Variants in FBXW10 observed in about 807,000 individuals in gnomAD.
FBXW10 encodes F-box/WD repeat-containing protein 10.
In FBXW10, 68 loss-of-function variants were observed where a neutral mutation model predicts 113.1. The observed-to-expected ratio is 0.60, with a 90% confidence interval of 0.49 to 0.74. FBXW10 has a LOEUF of 0.74. Ranked by LOEUF, FBXW10 falls within the 30% of genes least tolerant of loss-of-function variation. FBXW10 has a pLI of 0.00. For missense variants in FBXW10, 753 were observed against 1,284.5 expected, an observed-to-expected ratio of 0.59 and a Z score of 6.32; for synonymous variants, 289 against 481.6, an observed-to-expected ratio of 0.60 and a Z score of 5.24.
chr17:18,778,067 G>A (rs531650512), intron 13 of FBXW10, among the ~76,000 whole-genome samples: 3 of 151,778 alleles, frequency 2.0e-5, no homozygotes, highest in East Asian at 2.0e-4. Flanking sequence ...TGGCTAACAC[G>A]GTGAAACCCT....
chr17:18,756,204 A>G lies in FBXW10; in HGVS notation c.1232+50A>G, dbSNP rs760118486. 3.2e-6 allele frequency: 5 copies of G among 1,562,300 alleles called. No homozygotes were observed. The South Asian group carries it at 3.4e-5, about 11-fold the overall frequency. On this transcript the variant is annotated intron_variant, in intron 6 of 13. Coordinates refer to ENST00000395665, the MANE Select transcript of FBXW10 (RefSeq NM_001267585.2). ...GTCTCTAGGGATGCTTGAGTTACCC[A>G]CACTGACATTTGGGATTTCCCTGAC...
chr17:18,761,043 A>C (rs2035371780), intron 7 of FBXW10, among the ~76,000 whole-genome samples: 2 of 152,134 alleles, frequency 1.3e-5, no homozygotes, highest in Non-Finnish European at 2.9e-5. Flanking sequence ...CACAGCAACT[A>C]CTATATAACC....
chr17:18,758,843 G>A (rs2035324328), intron 7 of FBXW10, among the ~76,000 whole-genome samples: 1 of 150,600 alleles, frequency 6.6e-6, no homozygotes, highest in African/African-American at 2.4e-5. Flanking sequence ...ATGGGTTTGA[G>A]ACAGACTATA....
chr17:18,744,173 C>T lies in FBXW10; in HGVS notation c.-72C>T, dbSNP rs1486586976. On this transcript the variant is annotated 5_prime_UTR_variant, in exon 1 of 14. Coordinates refer to ENST00000395665, the MANE Select transcript of FBXW10 (RefSeq NM_001267585.2). ...AACTGGGGTATTTATTCATTCCCCC[C>T]GTTCCTCTAGTGTTTGGTGGCGTTG... 2.1e-5 allele frequency: 32 copies of T among 1,534,102 alleles called. No individual in the cohort carries two copies. The highest frequency in any genetic ancestry group is 2.6e-5 in the Non-Finnish European group (30 of 1,140,290).
intron 11 of FBXW10, 151 bp from the exon 12 acceptor site, chr17:18,772,261 C>A: frequency 1.4e-6 from 1 of 703,976 alleles, no homozygotes; most frequent in Non-Finnish European, 2.4e-6. Flanking sequence ...TCACCACTCT[C>A]CACCCTCCAG....
chr17:18,777,972 C>T (rs964735127), intron 13 of FBXW10, among the ~76,000 whole-genome samples: 7 of 151,682 alleles, frequency 4.6e-5, no homozygotes, highest in Middle Eastern at 3.4e-3. Context: ...TTTTATTGGC[C>T]GGCTGCGGTG....
At position 18,744,645 on chromosome 17, in the gene FBXW10, C is replaced by T. The variant is rs750314402; in HGVS notation, c.401C>T (p.Ala134Val). 1.3e-5 allele frequency: 21 copies of T among 1,613,786 alleles called. No individual in the cohort carries two copies. Among genetic ancestry groups the T allele is most frequent in the Middle Eastern group, 3.3e-4 (2 of 6,078 alleles). The change falls in exon 1 of 14, where the codon GCG becomes GTG. Residue 134 changes from alanine (A) to valine (V), a missense_variant. Physicochemically the swap from Ala to Val is moderately conservative, Grantham distance 64. Coordinates refer to ENST00000395665, the MANE Select transcript of FBXW10 (RefSeq NM_001267585.2). ...WFANSTQWTKANYTLLLLQMC... is the reference protein window; with the variant it reads ...WFANSTQWTKVNYTLLLLQMC... Reference sequence around the variant, plus strand: ...GCGAACAGCACCCAGTGGACCAAGGCGAATTATACTCTCTTACTGCTGCAG... The same window carrying T: ...GCGAACAGCACCCAGTGGACCAAGGTGAATTATACTCTCTTACTGCTGCAG...
intron 4 of FBXW10, among the ~76,000 whole-genome samples, chr17:18,750,703 G>A (rs78709540): frequency 0.063 from 9,567 of 152,016 alleles, 395 homozygotes; most frequent in South Asian, 0.12. Flanking sequence ...CAGTCTGACC[G>A]TCTTTACTGG....
At chr17:18,775,068 GATT>G in intron 12 of FBXW10, 65 bp from the exon 13 acceptor site, 7 of 1,008,296 alleles carry the variant, frequency 6.9e-6, no homozygotes, top group Non-Finnish European at 1.1e-5. Context: ...CATTATTATT[GATT>G]ATATTATTTT....
chr17:18,744,172 C>T lies in FBXW10; in HGVS notation c.-73C>T, dbSNP rs2034989664. On this transcript the variant is annotated 5_prime_UTR_variant, in exon 1 of 14. Coordinates refer to ENST00000395665, the MANE Select transcript of FBXW10 (RefSeq NM_001267585.2). ...CAACTGGGGTATTTATTCATTCCCC[C>T]CGTTCCTCTAGTGTTTGGTGGCGTT... The T allele has an allele frequency of 3.3e-6, 5 of 1,534,102 alleles. No individual in the cohort carries two copies. Among genetic ancestry groups the T allele is most frequent in the East Asian group, 2.3e-5 (1 of 44,206 alleles).
chr17:18,766,902 G>C lies in FBXW10; in HGVS notation c.1704+40G>C, dbSNP rs750855958. 10 of 1,538,936 alleles carry C rather than the reference G, an allele frequency of 6.5e-6. No individual in the cohort carries two copies. The East Asian group carries it at 2.2e-4, about 35-fold the overall frequency. On this transcript the variant is annotated intron_variant, in intron 9 of 13. Coordinates refer to ENST00000395665, the MANE Select transcript of FBXW10 (RefSeq NM_001267585.2). ...GGCTACCTTGGCGGAAAGGGCACTG[G>C]GGAGGAGATGGGTGGGCTCCCCCTA... is the stretch of plus-strand genomic sequence containing the variant.
rs372445387 is a variant in FBXW10, at chr17:18,773,231, C to T, written c.2278+548C>T. On this transcript the variant is annotated intron_variant, in intron 12 of 13. Coordinates refer to ENST00000395665, the MANE Select transcript of FBXW10 (RefSeq NM_001267585.2). ...TACAGGTGTGGGCCACCGTGCCCGG[C>T]CTGCAAGAGCTAGATTTTCAAACTT... Among the ~76,000 whole-genome samples, 9 of 152,084 alleles carry T rather than the reference C, an allele frequency of 5.9e-5. No homozygotes were observed. In the East Asian group the frequency reaches 1.2e-3, roughly 19 times the overall value.
rs575788868 is a variant in FBXW10 at position 18,749,612 on chromosome 17, G to C, written c.671-110G>C. The C allele has an allele frequency of 2.8e-6, 4 of 1,421,578 alleles. No homozygotes were observed. The Admixed American group carries it at 7.9e-5, about 28-fold the overall frequency. The allele number at this position is 1,421,578 out of a possible 1,614,324, so 88.1% of individuals were successfully genotyped here. The stretch of plus-strand genomic sequence containing the variant: ...ACAAAAATCTAGTGGCCTAAGGTTA[G>C]AGTCTGAGGAGGTTTATTTTCTGGG... On this transcript the variant is annotated intron_variant, in intron 2 of 13. Coordinates refer to ENST00000395665, the MANE Select transcript of FBXW10 (RefSeq NM_001267585.2).
At chr17:18,755,124 G>A (rs931431892) in intron 5 of FBXW10, among the ~76,000 whole-genome samples, 17 of 152,032 alleles carry the variant, frequency 1.1e-4, no homozygotes, top group Non-Finnish European at 1.8e-4. Flanking sequence ...TTAGCCAGGC[G>A]TGGTGGCACA....
intron 13 of FBXW10, among the ~76,000 whole-genome samples, chr17:18,775,797 T>G (rs562268406): frequency 6.6e-6 from 1 of 152,102 alleles, no homozygotes; most frequent in Non-Finnish European, 1.5e-5. Context: ...GGAGACCAAG[T>G]TGGGAGGATT....
Position 18,764,784 on chromosome 17 carries a change from T to C in FBXW10, c.1476T>C (p.Gly492=), listed in dbSNP as rs1329546531. 8.7e-6 allele frequency: 14 copies of C among 1,613,896 alleles called. No homozygotes were observed. The African/African-American group carries it at 1.5e-4, about 17-fold the overall frequency. ...GTGGGGTTTGCACACGAATCTTCGG[T>C]GGTCACCAGGGGACTATCACTTGCA... The part of the protein sequence containing the change: ...LKSGVCTRIF[G]GHQGTITCMD... Residue 492 remains glycine, a synonymous_variant, in exon 8 of 14, where the codon GGT becomes GGC. Coordinates refer to ENST00000395665, the MANE Select transcript of FBXW10 (RefSeq NM_001267585.2).
intron 5 of FBXW10, among the ~76,000 whole-genome samples, chr17:18,753,282 G>A (rs1172371872): frequency 6.6e-6 from 1 of 152,082 alleles, no homozygotes; most frequent in Non-Finnish European, 1.5e-5. Context: ...TTCCATTCAA[G>A]TGCACTAAGA....
intron 1 of FBXW10, 40 bp from the exon 2 acceptor site, chr17:18,747,901 C>T (rs748374907): frequency 1.4e-5 from 23 of 1,613,672 alleles, no homozygotes; most frequent in South Asian, 2.2e-5. Context: ...TCAACACACC[C>T]GCTTCAAGAG....
intron 11 of FBXW10, among the ~76,000 whole-genome samples, chr17:18,770,876 G>T (rs1266938818): frequency 3.3e-5 from 5 of 152,092 alleles, no homozygotes; most frequent in Non-Finnish European, 5.9e-5. Flanking sequence ...TGACTGCATT[G>T]TATACAGTAC....
Sources: gnomAD v4.1 joint callset for allele counts (sites outside exome capture counted in the v4.1 genomes callset) on GRCh38, gnomAD v4.1.1 for gene constraint, MANE v1.5 for transcripts, NCBI Gene and HGNC (gene_info 2026-07-23, HGNC 2026-07-21) for gene names.